SUGCT: variants seen among roughly 807,000 people sequenced by gnomAD.
SUGCT encodes succinyl-CoA:glutarate CoA-transferase.
Under a neutral mutation model 55.0 loss-of-function variants are expected in SUGCT, and 41 were observed. That is an observed-to-expected ratio of 0.74 (90% CI 0.58 to 0.97). The LOEUF (loss-of-function observed/expected upper bound fraction) is 0.97, where lower values mean the gene tolerates loss of function less well. Ranked by LOEUF, SUGCT falls within the 50% of genes least tolerant of loss-of-function variation. The pLI is 0.00. For synonymous variants in SUGCT, 187 were observed against 200.4 expected (o/e 0.93, Z 0.56); for missense variants, 568 against 547.8 (o/e 1.04, Z -0.37).
rs190842157 is a variant in SUGCT, at chr7:40,619,104, G to A, written c.1089+122718G>A. ...GGGAGTTCCCCTTTGGCTAGATGAC[G>A]CCTTCCATATTTTCTTTCAGAGATG... is the stretch of plus-strand genomic sequence containing the variant. On this transcript the variant is annotated intron_variant, in intron 12 of 13. Coordinates refer to ENST00000335693, the MANE Select transcript of SUGCT (RefSeq NM_001193313.2). Among the ~76,000 whole-genome samples the A allele has an allele frequency of 2.8e-3, 432 of 152,280 alleles. 1 individual carries two copies. Among genetic ancestry groups the A allele is most frequent in the Middle Eastern group, 0.01 (3 of 294 alleles).
rs1425457343 is a variant in SUGCT, at chr7:40,715,511, G to C, written c.1090-33923G>C. 4.6e-5 allele frequency among the ~76,000 whole-genome samples: 7 copies of C among 152,080 alleles called. No homozygotes were observed. In the East Asian group the frequency reaches 1.4e-3, roughly 29 times the overall value. On this transcript the variant is annotated intron_variant, in intron 12 of 13. Transcript: ENST00000335693. ...TTCCATAAAACAAACAAACAAAAGA[G>C]CTCAATGTGTCTAAAACTGAGCTTA...
intron 8 of SUGCT, among the ~76,000 whole-genome samples, chr7:40,316,118 A>G (rs1428612094): frequency 6.6e-6 from 1 of 152,202 alleles, no homozygotes; most frequent in African/African-American, 2.4e-5. Context: ...ACATGGGGCT[A>G]GGAACAAATT....
chr7:40,920,366 T>G, the SUGCT span, among the ~76,000 whole-genome samples: 7 of 152,172 alleles, frequency 4.6e-5, no homozygotes, highest in African/African-American at 1.7e-4. Context: ...ATGAGTGAGA[T>G]TAACAAGAAT....
chr7:40,953,898 C>T, the SUGCT span, among the ~76,000 whole-genome samples: 1 of 152,244 alleles, frequency 6.6e-6, no homozygotes, highest in Non-Finnish European at 1.5e-5. Context: ...ACTCGGGGGT[C>T]AGGGACCCAC....
chr7:40,574,940 T>A (rs953108844), intron 12 of SUGCT, among the ~76,000 whole-genome samples: 2 of 152,178 alleles, frequency 1.3e-5, no homozygotes, highest in African/African-American at 4.8e-5. Context: ...GGCACATCTT[T>A]TCTAAAGTCT....
intron 7 of SUGCT, among the ~76,000 whole-genome samples, chr7:40,248,973 A>G (rs972385904): frequency 1.3e-4 from 19 of 151,132 alleles, no homozygotes; most frequent in African/African-American, 4.6e-4. Flanking sequence ...TAAAAATTCA[A>G]CTGTATTTGC....
At chr7:40,712,514 A>G (rs781196918) in intron 12 of SUGCT, among the ~76,000 whole-genome samples, 5 of 152,218 alleles carry the variant, frequency 3.3e-5, no homozygotes, top group Non-Finnish European at 5.9e-5. Flanking sequence ...AAAACTACTG[A>G]TTGCCTCTGT....
intron 9 of SUGCT, among the ~76,000 whole-genome samples, chr7:40,419,754 A>G (rs1295590713): frequency 1.3e-5 from 2 of 152,150 alleles, no homozygotes; most frequent in Non-Finnish European, 2.9e-5. Flanking sequence ...ATTGACTTGG[A>G]GTGTTATCTC....
intron 11 of SUGCT, among the ~76,000 whole-genome samples, chr7:40,467,210 A>G (rs1301932312): frequency 1.3e-5 from 2 of 151,328 alleles, no homozygotes; most frequent in African/African-American, 4.9e-5. Context: ...AAAAGAAAAA[A>G]AAAAAAAAAA....
At chr7:40,154,008 G>C in intron 1 of SUGCT, 1 of 266,416 alleles carries the variant, frequency 3.8e-6, no homozygotes, top group Non-Finnish European at 7.6e-6. Context: ...CTTTACCAAA[G>C]CATTATCTGG....
At chr7:40,248,775 C>A (rs1006313378) in intron 7 of SUGCT, among the ~76,000 whole-genome samples, 2 of 151,948 alleles carry the variant, frequency 1.3e-5, no homozygotes, top group South Asian at 2.1e-4. Flanking sequence ...TAAGAGTGAA[C>A]CATTTTATAC....
intron 11 of SUGCT, among the ~76,000 whole-genome samples, chr7:40,484,473 G>T (rs1021826451): frequency 3.4e-4 from 52 of 152,126 alleles, no homozygotes; most frequent in Non-Finnish European, 1.5e-5. Flanking sequence ...TAGCTCAATT[G>T]CCAGTGGCCT....
rs201433905 is a variant in SUGCT, at chr7:40,237,689, C to G, written c.539C>G (p.Ser180Trp). ...CGAGCTGGTTATGATGCTGTTGCCT[C>G]GGCTGTTTCTGGTCTGATGCACATC... is the stretch of plus-strand genomic sequence containing the variant. ...SQRAGYDAVA[S>W]AVSGLMHITG... Residue 180 changes from serine (S) to tryptophan (W), a missense_variant, in exon 7 of 14, where the codon TCG becomes TGG. Ser to Trp is a radical substitution (Grantham distance 177, BLOSUM62 -3). Coordinates refer to ENST00000335693, the MANE Select transcript of SUGCT (RefSeq NM_001193313.2). 6.2e-7 allele frequency: 1 copy of G among 1,613,886 alleles called. No individual in the cohort carries two copies. Among genetic ancestry groups the G allele is most frequent in the Non-Finnish European group, 8.5e-7 (1 of 1,179,858 alleles).
chr7:40,900,502 A>G, the SUGCT span, among the ~76,000 whole-genome samples: 55 of 152,370 alleles, frequency 3.6e-4, 1 homozygote, highest in East Asian at 1.9e-3. Flanking sequence ...AAAGAAAACT[A>G]TCTTTAGTCC....
intron 12 of SUGCT, among the ~76,000 whole-genome samples, chr7:40,520,815 C>T (rs1200647827): frequency 6.6e-6 from 1 of 152,048 alleles, no homozygotes; most frequent in East Asian, 1.9e-4. Context: ...TGTAGAGTGT[C>T]TGAAGGACGT....
rs111837824 is a variant in SUGCT, at chr7:40,776,149, T to C, written c.1153+26652T>C. 3.8e-3 allele frequency among the ~76,000 whole-genome samples: 581 copies of C among 152,306 alleles called. 5 individuals are homozygous for C. The highest frequency in any genetic ancestry group is 0.013 in the African/African-American group (552 of 41,582). Reference sequence around the variant, plus strand: ...CCAGGGAATCCACGTGTCTGAGAACTAAAACAAGTCAACTCCAAATCAGCT... The same window carrying C: ...CCAGGGAATCCACGTGTCTGAGAACCAAAACAAGTCAACTCCAAATCAGCT... On this transcript the variant is annotated intron_variant, in intron 13 of 13. Transcript: ENST00000335693.
chr7:40,320,114 GT>G (rs552123827), intron 9 of SUGCT, among the ~76,000 whole-genome samples: 1,801 of 33,268 alleles, frequency 0.054, 28 homozygotes, highest in African/African-American at 0.1. Context: ...TTAATTTTTT[GT>G]TTTTTTTTTG....
intron 7 of SUGCT, among the ~76,000 whole-genome samples, chr7:40,244,641 T>C (rs1395777146): frequency 1.3e-5 from 2 of 152,218 alleles, no homozygotes; most frequent in African/African-American, 4.8e-5. Context: ...TATCTCCTCC[T>C]TTAAAAACTA....
chr7:40,427,324 A>T (rs1373402073), intron 9 of SUGCT, among the ~76,000 whole-genome samples: 2 of 152,202 alleles, frequency 1.3e-5, no homozygotes, highest in East Asian at 3.9e-4. Flanking sequence ...TATATATTAT[A>T]CAAGACATAA....
Sources: allele counts gnomAD v4.1 joint callset (sites outside exome capture counted in the v4.1 genomes callset), GRCh38; gene constraint gnomAD v4.1.1; transcripts MANE v1.5; gene names NCBI Gene and HGNC (gene_info 2026-07-23, HGNC 2026-07-21).